The following SAMSN1 variants were observed in gnomAD, a reference collection of about 807,000 sequenced individuals.
SAMSN1 encodes the protein SAM domain, SH3 domain and nuclear localization signals 1, also known as SAM domain-containing protein SAMSN-1.
SAMSN1 carries 31 observed loss-of-function variants against 42.0 expected under a neutral mutation model. The observed-to-expected ratio is 0.74, with a 90% CI of 0.55 to 1.00. The LOEUF is 1.00. Ranked by LOEUF, SAMSN1 falls within the 50% of genes least tolerant of loss-of-function variation. The pLI is 0.00. For missense variants in SAMSN1, 464 were observed against 439.4 expected, an observed-to-expected ratio of 1.06 and a Z score of -0.50; for synonymous variants, 178 against 151.9, an observed-to-expected ratio of 1.17 and a Z score of -1.26.
intron 2 of SAMSN1, among the ~76,000 whole-genome samples, chr21:14,622,197 T>G (rs959049427): frequency 6.6e-6 from 1 of 151,988 alleles, no homozygotes; most frequent in Admixed American, 6.6e-5. Flanking sequence ...AAGCTGAAAA[T>G]TCTAAAAACC....
Position 14,500,602 on chromosome 21 carries a change from A to G in SAMSN1, c.695T>C (p.Ile232Thr). 9 of 1,613,946 alleles carry G rather than the reference A, an allele frequency of 5.6e-6. No homozygotes were observed. Among genetic ancestry groups the G allele is most frequent in the Non-Finnish European group, 7.6e-6 (9 of 1,179,978 alleles). ...ISEEEAAPKKIKANRRSNSKK... is the reference protein window; with the variant it reads ...ISEEEAAPKKTKANRRSNSKK... Reference sequence around the variant, plus strand: ...GCTGTTACTCCTTCGGTTTGCCTTTATTTTCTTGGGGGCTGCTTCCTCTTC... The same window carrying G: ...GCTGTTACTCCTTCGGTTTGCCTTTGTTTTCTTGGGGGCTGCTTCCTCTTC... Residue 232 changes from isoleucine to threonine, a missense_variant, in exon 6 of 8, where the codon ATA (isoleucine) becomes ACA (threonine). Transcript: ENST00000400566.
At chr21:14,615,363 G>GA (rs1568831536) in intron 3 of SAMSN1, among the ~76,000 whole-genome samples, 1 of 152,056 alleles carries the variant, frequency 6.6e-6, no homozygotes, top group Non-Finnish European at 1.5e-5. Context: ...GAGCTTTTGA[G>GA]AAAGAGGACA....
intron 2 of SAMSN1, among the ~76,000 whole-genome samples, chr21:14,640,151 A>C (rs1485333875): frequency 6.6e-6 from 1 of 152,224 alleles, no homozygotes; most frequent in East Asian, 1.9e-4. Context: ...TGATATCCAA[A>C]GGGTGAAATT....
intron 2 of SAMSN1, among the ~76,000 whole-genome samples, chr21:14,581,075 A>C (rs563100645): frequency 1.4e-3 from 205 of 151,292 alleles, no homozygotes; most frequent in Middle Eastern, 6.8e-3. Context: ...ATCCAAGCCC[A>C]AAAAAAAAGT....
chr21:14,626,144 AC>A (rs1434107428), intron 2 of SAMSN1, among the ~76,000 whole-genome samples: 2 of 152,206 alleles, frequency 1.3e-5, no homozygotes, highest in Non-Finnish European at 2.9e-5. Context: ...TGGATTAAAG[AC>A]TTACATGTCA....
At chr21:14,534,523 T>C (rs1022537295) in intron 1 of SAMSN1, among the ~76,000 whole-genome samples, 5 of 88,684 alleles carry the variant, frequency 5.6e-5, no homozygotes, top group African/African-American at 3.9e-4. Flanking sequence ...AGACTTTTTT[T>C]CTTTTTTTTT....
intron 3 of SAMSN1, among the ~76,000 whole-genome samples, chr21:14,513,809 G>A (rs867746061): frequency 7.2e-5 from 11 of 152,190 alleles, no homozygotes; most frequent in African/African-American, 2.7e-4. Context: ...CAAAATAATT[G>A]AACTCAGAAT....
chr21:14,642,727 C>T (rs1343614046), intron 2 of SAMSN1, among the ~76,000 whole-genome samples: 1 of 152,078 alleles, frequency 6.6e-6, no homozygotes, highest in Non-Finnish European at 1.5e-5. Flanking sequence ...ACTTCCAAAT[C>T]TAGAAAATGA....
At chr21:14,648,593 T>A (rs1038841496) in intron 1 of SAMSN1, among the ~76,000 whole-genome samples, 6 of 151,656 alleles carry the variant, frequency 4.0e-5, no homozygotes, top group Non-Finnish European at 8.8e-5. Flanking sequence ...AACAACCCCA[T>A]CAAAAAGTGG....
intron 2 of SAMSN1, among the ~76,000 whole-genome samples, chr21:14,641,708 T>C (rs959782392): frequency 6.6e-6 from 1 of 152,220 alleles, no homozygotes; most frequent in African/African-American, 2.4e-5. Context: ...TCTGTAAGTA[T>C]ATGGAAGTTC....
rs1427768394 is a variant in SAMSN1 at position 14,616,940 on chromosome 21, T to G, written c.157-924A>C. Among the ~76,000 whole-genome samples the G allele has an allele frequency of 2.6e-5, 4 of 152,282 alleles. No homozygotes were observed. In the South Asian group the frequency reaches 8.3e-4, roughly 32 times the overall value. ...AATCCAGGATAACCTTTCCCCAAGA[T>G]AGTGATCGAAGGGGCCATTTATCTA... On this transcript the variant is annotated intron_variant, in intron 2 of 15. Transcript: ENST00000647101.
At chr21:14,566,830 A>T (rs12162544) in intron 2 of SAMSN1, among the ~76,000 whole-genome samples, 46,059 of 151,888 alleles carry the variant, frequency 0.3, 7,371 homozygotes, top group East Asian at 0.48. Flanking sequence ...AAGCCACTGC[A>T]CCTGGCCTTT....
intron 2 of SAMSN1, among the ~76,000 whole-genome samples, chr21:14,579,458 T>C (rs987305906): frequency 2.0e-5 from 3 of 152,134 alleles, no homozygotes; most frequent in Non-Finnish European, 2.9e-5. Flanking sequence ...TATAACTGGA[T>C]TTATTAGAAT....
At chr21:14,579,798 A>T (rs1400428318) in intron 2 of SAMSN1, among the ~76,000 whole-genome samples, 2 of 151,930 alleles carry the variant, frequency 1.3e-5, no homozygotes, top group Non-Finnish European at 2.9e-5. Context: ...TCAGATATTT[A>T]TTGAGGACCC....
chr21:14,601,188 C>G (rs1403458728), intron 6 of SAMSN1, among the ~76,000 whole-genome samples: 2 of 152,156 alleles, frequency 1.3e-5, no homozygotes, highest in Non-Finnish European at 2.9e-5. Context: ...CTGGGAGATA[C>G]TACAAGGGCA....
chr21:14,486,955 C>G (rs1308088551), intron 7 of SAMSN1, among the ~76,000 whole-genome samples: 1 of 152,190 alleles, frequency 6.6e-6, no homozygotes, highest in East Asian at 1.9e-4. Flanking sequence ...TATTACTCTT[C>G]TCGATTCCTT....
At chr21:14,533,032 C>T (rs1380167754) in intron 1 of SAMSN1, among the ~76,000 whole-genome samples, 1 of 152,114 alleles carries the variant, frequency 6.6e-6, no homozygotes, top group Non-Finnish European at 1.5e-5. Context: ...CCTGCTTCAG[C>T]TTCTTGAGTA....
At chr21:14,487,763 C>A (rs1355592187) in intron 7 of SAMSN1, among the ~76,000 whole-genome samples, 2 of 152,096 alleles carry the variant, frequency 1.3e-5, no homozygotes, top group South Asian at 2.1e-4. Context: ...TTCACATTTG[C>A]CCCACAATTT....
chr21:14,571,387 T>C (rs1459333367), intron 2 of SAMSN1, among the ~76,000 whole-genome samples: 1 of 152,206 alleles, frequency 6.6e-6, no homozygotes, highest in African/African-American at 2.4e-5. Flanking sequence ...TGAGGTGAGC[T>C]GCAATAAAGC....
Sources: allele counts gnomAD v4.1 joint callset (sites outside exome capture counted in the v4.1 genomes callset), GRCh38; gene constraint gnomAD v4.1.1; transcripts MANE v1.5; gene names NCBI Gene and HGNC (gene_info 2026-07-23, HGNC 2026-07-21).